The following CFAP20DC variants were observed in gnomAD, a reference collection of about 807,000 sequenced individuals.
CFAP20DC encodes protein CFAP20DC.
A neutral mutation model predicts 101.7 loss-of-function variants in CFAP20DC; 84 were observed. That is an observed-to-expected ratio of 0.83 (90% CI 0.69 to 0.99). The LOEUF is 0.99. Among genes scored for constraint, CFAP20DC ranks in the 50% least tolerant of loss-of-function variants. CFAP20DC has a pLI of 0.00. For missense variants in CFAP20DC, 1,007 were observed against 970.3 expected (o/e 1.04, Z -0.50); for synonymous variants, 359 against 351.2 (o/e 1.02, Z -0.25).
intron 14 of CFAP20DC, among the ~76,000 whole-genome samples, chr3:58,829,424 T>A (rs565968341): frequency 6.6e-6 from 1 of 152,110 alleles, no homozygotes; most frequent in Middle Eastern, 3.4e-3. Context: ...GAGAAAGGCA[T>A]GAGCTCTCAA....
chr3:58,825,538 A>AACAC (rs4020376), intron 14 of CFAP20DC, among the ~76,000 whole-genome samples: 17 of 149,818 alleles, frequency 1.1e-4, no homozygotes, highest in South Asian at 2.1e-4. Flanking sequence ...AAAAAAAGAA[A>AACAC]ACACACACAC....
intron 14 of CFAP20DC, among the ~76,000 whole-genome samples, chr3:58,822,780 A>G (rs1023901417): frequency 5.3e-5 from 8 of 152,168 alleles, no homozygotes; most frequent in Non-Finnish European, 1.0e-4. Flanking sequence ...GATGGAGTTC[A>G]GGACATGGCA....
At chr3:58,898,634 C>G (rs1189587103) in intron 6 of CFAP20DC, among the ~76,000 whole-genome samples, 1 of 152,166 alleles carries the variant, frequency 6.6e-6, no homozygotes, top group Non-Finnish European at 1.5e-5. Flanking sequence ...ACAACATGCT[C>G]CTTTAGCTCA....
At chr3:58,898,795 T>C (rs2082888766) in intron 6 of CFAP20DC, among the ~76,000 whole-genome samples, 1 of 152,236 alleles carries the variant, frequency 6.6e-6, no homozygotes, top group South Asian at 2.1e-4. Flanking sequence ...TATTTTTGCA[T>C]TGATTATTTC....
At chr3:58,820,266 C>A (rs2075533695) in intron 14 of CFAP20DC, among the ~76,000 whole-genome samples, 1 of 149,148 alleles carries the variant, frequency 6.7e-6, no homozygotes. Flanking sequence ...CACTCCTATT[C>A]AACATAGTGT....
rs2082765918 is a variant in CFAP20DC at position 58,897,517 on chromosome 3, T to A, written c.551-12808A>T. Reference sequence around the variant, plus strand: ...AGTGTGTTTTTGTAGTGGCTGGTAATGGTATTTCCTTTCCATATTTAGTGC... The same window carrying A: ...AGTGTGTTTTTGTAGTGGCTGGTAAAGGTATTTCCTTTCCATATTTAGTGC... On this transcript the variant is annotated intron_variant, in intron 6 of 16. Coordinates refer to ENST00000482387, the MANE Select transcript of CFAP20DC (RefSeq NM_001394063.1). This position sits in a 1 kb window ranked among gnomAD's most constrained non-coding sequence, Gnocchi z 4.4. Among the ~76,000 whole-genome samples the A allele has an allele frequency of 6.6e-6, 1 of 152,232 alleles. No homozygotes were observed. Among genetic ancestry groups the A allele is most frequent in the South Asian group, 2.1e-4 (1 of 4,836 alleles).
intron 4 of CFAP20DC, among the ~76,000 whole-genome samples, chr3:58,999,598 C>G (rs115453634): frequency 0.01 from 1,544 of 152,050 alleles, 28 homozygotes; most frequent in African/African-American, 0.035. Context: ...GACTCTTGGC[C>G]CTCTCCTTGG....
rs185768445 is a variant in CFAP20DC at position 59,045,494 on chromosome 3, T to C, written c.205+735A>G. ...ATTCTGATAAATCATATTCCTTAAA[T>C]CAATCAGTTTACTCAAGGTCTAATT... is the stretch of plus-strand genomic sequence containing the variant. On this transcript the variant is annotated intron_variant, in intron 3 of 16. Transcript: ENST00000482387. Among the ~76,000 whole-genome samples the C allele has an allele frequency of 5.3e-5, 8 of 152,162 alleles. No homozygotes were observed. The East Asian group carries it at 1.5e-3, about 29-fold the overall frequency.
intron 14 of CFAP20DC, among the ~76,000 whole-genome samples, chr3:58,825,419 G>T (rs2075973587): frequency 6.6e-6 from 1 of 152,022 alleles, no homozygotes; most frequent in East Asian, 1.9e-4. Context: ...AGATGATCAT[G>T]TCCATAAATG....
intron 4 of CFAP20DC, among the ~76,000 whole-genome samples, chr3:58,990,754 GGTGTGTGTGTGTGTGT>G (rs71091398): frequency 2.1e-5 from 3 of 143,928 alleles, no homozygotes; most frequent in South Asian, 2.3e-4. Flanking sequence ...ATGCTCAGCT[GGTGTGTGTGTGTGTGT>G]GTGTGTGTGT....
chr3:58,863,946 T>C lies in CFAP20DC; in HGVS notation c.1259-54A>G. The C allele has an allele frequency of 1.4e-6, 2 of 1,451,850 alleles. No homozygotes were observed. Among genetic ancestry groups the C allele is most frequent in the Non-Finnish European group, 9.1e-7 (1 of 1,093,128 alleles). The allele number at this position is 1,451,850 out of a possible 1,614,324, so 89.9% of individuals were successfully genotyped here. A position where few individuals can be genotyped will look rare whatever the true frequency, so the allele number is the denominator to read the frequency against. On this transcript the variant is annotated intron_variant, in intron 11 of 16. Transcript: ENST00000482387. This position sits in a 1 kb window ranked among gnomAD's most constrained non-coding sequence, Gnocchi z 5.9. The stretch of plus-strand genomic sequence containing the variant: ...AGAGCAGTAATCCATAAAAGTGTTA[T>C]TTTTATTTATTTATTTTTAGTTTTA...
intron 7 of CFAP20DC, among the ~76,000 whole-genome samples, chr3:58,871,912 C>A (rs1319238649): frequency 6.6e-6 from 1 of 152,114 alleles, no homozygotes; most frequent in South Asian, 2.1e-4. Context: ...ATCCCCCATG[C>A]TCTCTATTCC....
At position 58,729,065 on chromosome 3, in the gene CFAP20DC, A is replaced by G. The variant is rs546093582; in HGVS notation, c.198-11437T>C. Among the ~76,000 whole-genome samples, 23 of 152,296 alleles carry G rather than the reference A, an allele frequency of 1.5e-4. No individual in the cohort carries two copies. Among genetic ancestry groups the G allele is most frequent in the African/African-American group, 5.1e-4 (21 of 41,564 alleles). On this transcript the variant is annotated intron_variant, in intron 3 of 3. Transcript: ENST00000486145. This position sits in a 1 kb window ranked among gnomAD's most constrained non-coding sequence, Gnocchi z 4.4. ...ATGGAGAGGCCCATATCCCAGCTCAAGTAAAACCTTCAGATGGCTGCAGTC... is the reference window on the plus strand; with the variant it reads ...ATGGAGAGGCCCATATCCCAGCTCAGGTAAAACCTTCAGATGGCTGCAGTC...
chr3:58,741,459 G>C (rs2067882802), downstream of CFAP20DC, among the ~76,000 whole-genome samples: 1 of 151,976 alleles, frequency 6.6e-6, no homozygotes, highest in Non-Finnish European at 1.5e-5. Flanking sequence ...TATAGATCTA[G>C]ATGAATCTAT....
intron 3 of CFAP20DC, among the ~76,000 whole-genome samples, chr3:59,041,912 T>C (rs1012959849): frequency 6.6e-6 from 1 of 152,138 alleles, no homozygotes; most frequent in African/African-American, 2.4e-5. Context: ...CAACGAAGAT[T>C]ACTGAGCACC....
Position 58,856,026 on chromosome 3 carries a change from T to C in CFAP20DC, c.1594-6617A>G, listed in dbSNP as rs141587153. ...AAAGAAAGAAAAAAAGGAATGACTGTAGGAAAAAAAACTTCAAAATAAAGT... is the reference window on the plus strand; with the variant it reads ...AAAGAAAGAAAAAAAGGAATGACTGCAGGAAAAAAAACTTCAAAATAAAGT... On this transcript the variant is annotated intron_variant, in intron 12 of 16. Transcript: ENST00000482387. Among the ~76,000 whole-genome samples the C allele has an allele frequency of 5.3e-5, 8 of 151,084 alleles. No homozygotes were observed. In the East Asian group the frequency reaches 1.4e-3, roughly 26 times the overall value.
In CFAP20DC at chr3:58,913,705, T is replaced by C. The variant is rs764178724; in HGVS notation, c.550+3A>G. The C allele has an allele frequency of 6.2e-7, 1 of 1,613,482 alleles. No homozygotes were observed. The highest frequency in any genetic ancestry group is 2.2e-5 in the East Asian group (1 of 44,840). On this transcript the variant is annotated splice_donor_region_variant and intron_variant, in intron 6 of 16. Transcript: ENST00000482387. The surrounding 1 kb of genome is among the most constrained non-coding windows in gnomAD (Gnocchi z 4.4). ...AAAAATCTTGATAGCAACCTGAACA[T>C]ACCATCCTTATCAGCAGTGTCTTGT...
intron 2 of CFAP20DC, 70 bp downstream of exon 2, chr3:59,047,095 G>C (rs184138767): frequency 2.0e-6 from 2 of 991,174 alleles, no homozygotes; most frequent in African/African-American, 3.3e-5. Context: ...ATTTGATCAC[G>C]CCCTTTCTTC....
chr3:59,032,848 C>T (rs1173604246), intron 4 of CFAP20DC, among the ~76,000 whole-genome samples: 1 of 152,156 alleles, frequency 6.6e-6, no homozygotes, highest in African/African-American at 2.4e-5. Context: ...TCGAGCTCTG[C>T]TAAGGGACAG....
Sources: gnomAD v4.1 joint callset for allele counts (sites outside exome capture counted in the v4.1 genomes callset) on GRCh38, gnomAD v4.1.1 for gene constraint, Gnocchi (gnomAD v3.1) non-coding constraint, MANE v1.5 for transcripts, NCBI Gene and HGNC (gene_info 2026-07-23, HGNC 2026-07-21) for gene names.